SPTBN1: variants seen among roughly 807,000 people sequenced by gnomAD.
SPTBN1 encodes spectrin beta chain, non-erythrocytic 1.
SPTBN1 carries 32 observed loss-of-function variants against 266.4 expected under a neutral mutation model. That is an observed-to-expected ratio of 0.12 (90% CI 0.09 to 0.16). The LOEUF is 0.16. Ranked by LOEUF, SPTBN1 falls within the 10% of genes least tolerant of loss-of-function variation. SPTBN1 has a pLI of 1.00. For missense variants in SPTBN1, 2,296 were observed against 3,067.1 expected (o/e 0.75, Z 5.94); for synonymous variants, 1,336 against 1,162.2 (o/e 1.15, Z -3.04).
At chr2:54,597,792 T>C (rs924465654) in intron 2 of SPTBN1, among the ~76,000 whole-genome samples, 1 of 151,978 alleles carries the variant, frequency 6.6e-6, no homozygotes, top group African/African-American at 2.4e-5. Context: ...CATGCCTTAT[T>C]AGCAAGGGTG....
intron 2 of SPTBN1, among the ~76,000 whole-genome samples, chr2:54,566,223 G>T (rs1331446730): frequency 1.5e-5 from 2 of 132,238 alleles, no homozygotes; most frequent in East Asian, 2.2e-4. Context: ...GAGTGTCACT[G>T]TGTCGCCCAG....
intron 1 of SPTBN1, among the ~76,000 whole-genome samples, chr2:54,514,514 A>G (rs780580022): frequency 6.6e-6 from 1 of 152,164 alleles, no homozygotes; most frequent in Non-Finnish European, 1.5e-5. Context: ...TTGAGAATGG[A>G]GGTTCATAAT....
intron 6 of SPTBN1, 33 bp downstream of exon 6, chr2:54,617,721 G>A (rs777167951): frequency 2.5e-6 from 4 of 1,603,942 alleles, no homozygotes; most frequent in Non-Finnish European, 3.4e-6. Context: ...AGCAATCGTG[G>A]GGTAAAAGGT....
At chr2:54,632,968 T>C (rs766590202) in intron 17 of SPTBN1, among the ~76,000 whole-genome samples, 200 bp downstream of exon 17, 2 of 152,166 alleles carry the variant, frequency 1.3e-5, no homozygotes, top group Non-Finnish European at 2.9e-5. Context: ...TGGTGAGACA[T>C]GTACAAGTGT....
At chr2:54,588,362 C>G (rs941829007) in intron 2 of SPTBN1, among the ~76,000 whole-genome samples, 1 of 152,002 alleles carries the variant, frequency 6.6e-6, no homozygotes, top group Non-Finnish European at 1.5e-5. Flanking sequence ...GTTTTTTCTT[C>G]TTGTTTTGGG....
intron 1 of SPTBN1, among the ~76,000 whole-genome samples, chr2:54,481,213 C>T (rs1449695044): frequency 5.3e-5 from 8 of 151,884 alleles, no homozygotes; most frequent in Non-Finnish European, 1.0e-4. Context: ...AAAAAGTAAC[C>T]TTCAGATACT....
At chr2:54,486,339 A>G (rs993964852) in intron 1 of SPTBN1, among the ~76,000 whole-genome samples, 7 of 152,108 alleles carry the variant, frequency 4.6e-5, no homozygotes, top group Admixed American at 6.5e-5. Flanking sequence ...TGTAGAAAGA[A>G]GTAGACATGG....
intron 3 of SPTBN1, among the ~76,000 whole-genome samples, chr2:54,605,248 C>T (rs762434982): frequency 3.9e-5 from 6 of 152,176 alleles, no homozygotes; most frequent in African/African-American, 4.8e-5. Context: ...AAACCAGCCA[C>T]CAGATGGGAA....
At chr2:54,613,968 G>A (rs1418711299) in intron 4 of SPTBN1, among the ~76,000 whole-genome samples, 2 of 152,356 alleles carry the variant, frequency 1.3e-5, no homozygotes, top group South Asian at 4.1e-4. Flanking sequence ...ACCCAGGTCA[G>A]GGAGCTGGCA....
rs201443812 is a variant in SPTBN1, at chr2:54,668,387, G to C, written c.6913G>C (p.Ala2305Pro). The stretch of plus-strand genomic sequence containing the variant: ...CACATGGATCCAGGCTATCTCTTCC[G>C]CCATCTCCTCTGATAAACACGAGGT... ...MNTWIQAISS[A>P]ISSDKHEVSA... The change falls in exon 36 of 36, where the codon GCC becomes CCC. Residue 2305 changes from alanine (A) to proline (P), a missense_variant. Transcript: ENST00000356805. The C allele has an allele frequency of 1.9e-6, 3 of 1,613,988 alleles. No individual in the cohort carries two copies. Among genetic ancestry groups the C allele is most frequent in the Non-Finnish European group, 2.5e-6 (3 of 1,180,014 alleles).
chr2:54,458,129 T>C (rs1034844595), intron 1 of SPTBN1, among the ~76,000 whole-genome samples: 5 of 152,246 alleles, frequency 3.3e-5, no homozygotes, highest in African/African-American at 1.2e-4. Context: ...TAATTGGACC[T>C]TCACAACTGT....
At chr2:54,597,523 C>A (rs1362499341) in intron 2 of SPTBN1, among the ~76,000 whole-genome samples, 2 of 152,186 alleles carry the variant, frequency 1.3e-5, no homozygotes, top group South Asian at 2.1e-4. Context: ...ATGGGTAGGT[C>A]CTTTTTGGGA....
At chr2:54,557,266 G>A (rs910327479) in intron 2 of SPTBN1, among the ~76,000 whole-genome samples, 1 of 152,108 alleles carries the variant, frequency 6.6e-6, no homozygotes, top group Non-Finnish European at 1.5e-5. Flanking sequence ...GGGGGACCAC[G>A]TCTTTACTAC....
chr2:54,482,448 G>T (rs748810397), intron 1 of SPTBN1, among the ~76,000 whole-genome samples: 6 of 152,158 alleles, frequency 3.9e-5, no homozygotes, highest in Non-Finnish European at 7.3e-5. Context: ...AATTGTCTGG[G>T]ATACAGAATG....
chr2:54,652,287 T>C (rs542732443), intron 26 of SPTBN1, among the ~76,000 whole-genome samples: 1 of 152,340 alleles, frequency 6.6e-6, no homozygotes, highest in South Asian at 2.1e-4. Context: ...TAAAGACATA[T>C]ACCGTTCCCC....
chr2:54,567,257 G>A (rs1180653066), intron 2 of SPTBN1, among the ~76,000 whole-genome samples: 2 of 152,204 alleles, frequency 1.3e-5, no homozygotes, highest in Non-Finnish European at 2.9e-5. Context: ...GATTCTAGAA[G>A]GATAATAAAG....
At position 54,645,392 on chromosome 2, in the gene SPTBN1, A is replaced by G. The variant is rs947344341; in HGVS notation, c.4433A>G (p.Lys1478Arg). Reference sequence around the variant, plus strand: ...TTGCTGGAGCCCTTGAACGAGAGGAAGCATAACCTGCTGGCCTCCAAAGAG... The same window carrying G: ...TTGCTGGAGCCCTTGAACGAGAGGAGGCATAACCTGCTGGCCTCCAAAGAG... ...MELLEPLNER[K>R]HNLLASKEIH... Residue 1478 changes from lysine (K) to arginine (R), a missense_variant, in exon 21 of 36, where the codon AAG becomes AGG. This residue lies in a region of SPTBN1 where 386 missense variants were observed against 486.1 expected (regional missense o/e 0.79). Transcript: ENST00000356805. This position sits in a 1 kb window ranked among gnomAD's most constrained non-coding sequence, Gnocchi z 4.3. The G allele has an allele frequency of 1.4e-5, 23 of 1,614,076 alleles. No individual in the cohort carries two copies. The highest frequency in any genetic ancestry group is 1.9e-5 in the Non-Finnish European group (23 of 1,180,034).
chr2:54,560,006 T>C (rs1052617709), intron 2 of SPTBN1, among the ~76,000 whole-genome samples: 1 of 152,202 alleles, frequency 6.6e-6, no homozygotes, highest in Non-Finnish European at 1.5e-5. Context: ...GACGTGATTT[T>C]AAACATTTGC....
chr2:54,635,981 C>T (rs559182481), intron 17 of SPTBN1, among the ~76,000 whole-genome samples: 1 of 152,268 alleles, frequency 6.6e-6, no homozygotes, highest in African/African-American at 2.4e-5. Context: ...TGATAGATGG[C>T]AATGGCATAA....
Sources: gnomAD v4.1 joint callset for allele counts (sites outside exome capture counted in the v4.1 genomes callset) on GRCh38, gnomAD v4.1.1 for gene constraint, gnomAD v4.1.1 regional missense constraint, Gnocchi (gnomAD v3.1) non-coding constraint, MANE v1.5 for transcripts, NCBI Gene and HGNC (gene_info 2026-07-23, HGNC 2026-07-21) for gene names.